Variants in CLPB observed in about 807,000 individuals in gnomAD.
CLPB encodes ClpB family mitochondrial disaggregase, also known as mitochondrial disaggregase.
In CLPB, 40 loss-of-function variants were observed where a neutral mutation model predicts 78.4. The ratio of observed to expected loss-of-function variants is 0.51; its 90% CI spans 0.40 to 0.66. CLPB has a LOEUF of 0.66. CLPB is among the 30% of genes least tolerant of loss of function. The pLI is 0.00. For synonymous variants in CLPB, 333 were observed against 348.0 expected (o/e 0.96, Z 0.48); for missense variants, 780 against 886.9 (o/e 0.88, Z 1.53).
In CLPB at chr11:72,380,306, C is replaced by T; in HGVS notation, c.621G>A (p.Lys207=). 6.2e-7 allele frequency: 1 copy of T among 1,613,920 alleles called. No individual in the cohort carries two copies. The highest frequency in any genetic ancestry group is 8.5e-7 in the Non-Finnish European group (1 of 1,179,762). The change falls in exon 4 of 16, where the codon AAG becomes AAA. Residue 207 remains lysine, a synonymous_variant. Coordinates refer to ENST00000538039, the MANE Select transcript of CLPB (RefSeq NM_001258392.3). ...DDFSSVYKTA[K]EQGIHSLEVL... Reference sequence around the variant, plus strand: ...CTTCCAAAGAATGGATTCCCTGTTCCTTGGCAGTCTTGTAAACACTGCTGA... The same window carrying T: ...CTTCCAAAGAATGGATTCCCTGTTCTTTGGCAGTCTTGTAAACACTGCTGA...
intron 6 of CLPB, 146 bp from the exon 7 acceptor site, chr11:72,317,366 C>A (rs575063774): frequency 2.9e-5 from 17 of 589,688 alleles, no homozygotes; most frequent in South Asian, 2.0e-4. Flanking sequence ...GGAGGCTGGT[C>A]CAGCCCTTTC....
chr11:72,304,028 G>C (rs1949704186), intron 9 of CLPB: 1 of 152,228 alleles, frequency 6.6e-6, no homozygotes, highest in Non-Finnish European at 1.5e-5. Context: ...TTTGTGTCCA[G>C]ATGCCAATGA....
chr11:72,348,490 C>T (rs1950555305), intron 5 of CLPB, among the ~76,000 whole-genome samples: 1 of 152,184 alleles, frequency 6.6e-6, no homozygotes, highest in South Asian at 2.1e-4. Flanking sequence ...GTGGACAGCT[C>T]CTGTTGCTGC....
intron 4 of CLPB, among the ~76,000 whole-genome samples, chr11:72,366,070 A>C (rs1343180891): frequency 6.6e-6 from 1 of 152,256 alleles, no homozygotes; most frequent in Non-Finnish European, 1.5e-5. Flanking sequence ...GGCCTAATTA[A>C]ATGAAAGAGC....
At chr11:72,398,394 C>T (rs1855468929) in intron 3 of CLPB, among the ~76,000 whole-genome samples, 1 of 152,132 alleles carries the variant, frequency 6.6e-6, no homozygotes, top group Admixed American at 6.5e-5. Context: ...CGCCCGAGAG[C>T]GGATACTCAG....
intron 4 of CLPB, among the ~76,000 whole-genome samples, chr11:72,376,100 G>T (rs1854690630): frequency 6.6e-6 from 1 of 152,142 alleles, no homozygotes; most frequent in Non-Finnish European, 1.5e-5. Context: ...CTGTGAATTT[G>T]CCTAGACACA....
intron 3 of CLPB, among the ~76,000 whole-genome samples, chr11:72,382,046 C>T (rs758170428): frequency 6.6e-5 from 10 of 152,088 alleles, no homozygotes; most frequent in Non-Finnish European, 1.2e-4. Context: ...GCAGCATCTG[C>T]ACATCCAGGC....
At chr11:72,335,021 CA>C (rs1318164181) in intron 5 of CLPB, among the ~76,000 whole-genome samples, 1 of 152,192 alleles carries the variant, frequency 6.6e-6, no homozygotes, top group African/African-American at 2.4e-5. Flanking sequence ...AGTGGAGTGA[CA>C]GGCCTCAATT....
chr11:72,349,066 A>G (rs1950566127), intron 5 of CLPB, among the ~76,000 whole-genome samples: 1 of 152,260 alleles, frequency 6.6e-6, no homozygotes, highest in African/African-American at 2.4e-5. Flanking sequence ...AAAATAATTA[A>G]TAGTTGCTGA....
chr11:72,407,287 C>G (rs1432828244), intron 2 of CLPB, among the ~76,000 whole-genome samples: 1 of 152,218 alleles, frequency 6.6e-6, no homozygotes. Flanking sequence ...ACAAGCAGGA[C>G]AGAGGTGTGC....
intron 4 of CLPB, among the ~76,000 whole-genome samples, chr11:72,377,873 GT>G: frequency 6.6e-6 from 1 of 152,260 alleles, no homozygotes; most frequent in Admixed American, 6.5e-5. Context: ...ACATCACTTC[GT>G]TTGTGTATTG....
chr11:72,357,017 GTC>G (rs998133352), intron 5 of CLPB: 1 of 152,224 alleles, frequency 6.6e-6, no homozygotes, highest in African/African-American at 2.4e-5. Flanking sequence ...TGTTTTCTAA[GTC>G]TCTGCTTCTG....
chr11:72,353,453 A>G (rs1256784865), intron 5 of CLPB, among the ~76,000 whole-genome samples: 2 of 152,248 alleles, frequency 1.3e-5, no homozygotes, highest in Non-Finnish European at 2.9e-5. Context: ...AAAGTCAGAC[A>G]CATTAGGAAA....
intron 4 of CLPB, among the ~76,000 whole-genome samples, chr11:72,377,908 A>G (rs1022000666): frequency 6.6e-6 from 1 of 152,192 alleles, no homozygotes; most frequent in Non-Finnish European, 1.5e-5. Context: ...CTGTATCACA[A>G]TGGTCGAGGT....
intron 2 of CLPB, among the ~76,000 whole-genome samples, chr11:72,425,751 C>T (rs756355737): frequency 6.6e-6 from 1 of 152,208 alleles, no homozygotes; most frequent in East Asian, 1.9e-4. Context: ...GCATACCCCC[C>T]AGGCTGCTCC....
intron 7 of CLPB, among the ~76,000 whole-genome samples, chr11:72,315,343 C>T (rs1454352805): frequency 1.3e-5 from 2 of 152,194 alleles, no homozygotes; most frequent in Admixed American, 1.3e-4. Context: ...AGGAAGTCTG[C>T]CCAACAGGGC....
Position 72,432,515 on chromosome 11 carries a change from A to T in CLPB, c.403+1557T>A, listed in dbSNP as rs149082816. On this transcript the variant is annotated intron_variant, in intron 1 of 15. Coordinates refer to ENST00000538039, the MANE Select transcript of CLPB (RefSeq NM_001258392.3). The stretch of plus-strand genomic sequence containing the variant: ...TGATCCCCCAACGACACATAGCACC[A>T]CTCACCAGCCCTACATTCCAACTGC... 4.4e-3 allele frequency among the ~76,000 whole-genome samples: 663 copies of T among 151,914 alleles called. 7 individuals carry two copies. The highest frequency in any genetic ancestry group is 0.015 in the African/African-American group (631 of 41,422).
chr11:72,346,340 C>T (rs79549196), intron 5 of CLPB, among the ~76,000 whole-genome samples: 2,658 of 152,020 alleles, frequency 0.017, 39 homozygotes, highest in East Asian at 0.068. Flanking sequence ...TATGTATATA[C>T]ATGTATGTGT....
At position 72,329,788 on chromosome 11, in the gene CLPB, C is replaced by T. The variant is rs140040268; in HGVS notation, c.792G>A (p.Gln264=). 1.2e-6 allele frequency: 2 copies of T among 1,613,764 alleles called. No individual in the cohort carries two copies. Among genetic ancestry groups the T allele is most frequent in the African/African-American group, 2.7e-5 (2 of 74,882 alleles). ...AGGGTGTGTGTCCCATTTCATTCCT[C>T]TGCAGGGGGTTGGCTCCTGGCAAGA... ...ELLDGGANPL[Q]RNEMGHTPLD... The change falls in exon 6 of 16, where the codon CAG becomes CAA. Residue 264 remains glutamine (Q), a synonymous_variant. Transcript: ENST00000538039.
Sources: gnomAD v4.1 joint callset for allele counts (sites outside exome capture counted in the v4.1 genomes callset) on GRCh38, gnomAD v4.1.1 for gene constraint, MANE v1.5 for transcripts, NCBI Gene and HGNC (gene_info 2026-07-23, HGNC 2026-07-21) for gene names.